DDRGK1: variants seen among roughly 807,000 people sequenced by gnomAD.
DDRGK1 encodes the protein DDRGK domain-containing protein 1.
Under a neutral mutation model 45.8 loss-of-function variants are expected in DDRGK1, and 38 were observed. The observed-to-expected ratio is 0.83, with a 90% CI of 0.64 to 1.09. The LOEUF (loss-of-function observed/expected upper bound fraction) is 1.09, where lower values mean the gene tolerates loss of function less well. Ranked by LOEUF, DDRGK1 falls within the 50% of genes least tolerant of loss-of-function variation. The pLI is 0.00. For synonymous variants in DDRGK1, 171 were observed against 168.7 expected (o/e 1.01, Z -0.11); for missense variants, 403 against 419.9 (o/e 0.96, Z 0.35).
chr20:3,192,758 T>C (rs1340743394), intron 6 of DDRGK1, among the ~76,000 whole-genome samples: 1 of 152,230 alleles, frequency 6.6e-6, no homozygotes, highest in Admixed American at 6.5e-5. Context: ...GAAAAGGCAG[T>C]TCTTTTGCAT....
In DDRGK1 at chr20:3,190,631, G is replaced by C. The variant is rs774355801; in HGVS notation, c.*22C>G. The C allele has an allele frequency of 1.2e-6, 2 of 1,612,640 alleles. No homozygotes were observed. Among genetic ancestry groups the C allele is most frequent in the South Asian group, 1.1e-5 (1 of 90,992 alleles). On this transcript the variant is annotated 3_prime_UTR_variant, in exon 9 of 9. Coordinates refer to ENST00000354488, the MANE Select transcript of DDRGK1 (RefSeq NM_023935.3). ...GCCAGGTAGGCCACACCAACTCTGA[G>C]TCCAAGAGGGAAGGACTGGGGTCAG...
intron 1 of DDRGK1, 48 bp from the exon 2 acceptor site, chr20:3,203,464 C>A: frequency 2.1e-6 from 3 of 1,459,296 alleles, no homozygotes; most frequent in Non-Finnish European, 2.7e-6. Flanking sequence ...CCCAGCCCGG[C>A]CCATGGCAGG....
intron 4 of DDRGK1, among the ~76,000 whole-genome samples, chr20:3,198,632 G>A (rs1364495494): frequency 2.1e-5 from 3 of 144,914 alleles, no homozygotes; most frequent in African/African-American, 5.2e-5. Flanking sequence ...CCCAGGAGGT[G>A]GAGGTTGTGG....
chr20:3,200,578 A>T, intron 2 of DDRGK1, 124 bp from the exon 3 acceptor site: 1 of 796,836 alleles, frequency 1.3e-6, no homozygotes, highest in Non-Finnish European at 2.0e-6. Context: ...AAATGTCACT[A>T]GCCCAGCTCT....
chr20:3,200,191 G>C, intron 3 of DDRGK1, 89 bp from the exon 4 acceptor site: 1 of 1,517,806 alleles, frequency 6.6e-7, no homozygotes, highest in Non-Finnish European at 8.9e-7. Flanking sequence ...CAATGCCTGG[G>C]CCAGGGCACA....
At chr20:3,203,063 G>A (rs1325636640) in intron 2 of DDRGK1, 150 bp downstream of exon 2, 4 of 698,918 alleles carry the variant, frequency 5.7e-6, no homozygotes, top group Admixed American at 3.6e-5. Context: ...CAAATGCCAG[G>A]TCCCAAGTCC....
At chr20:3,203,164 C>G in intron 2 of DDRGK1, 49 bp downstream of exon 2, 1 of 1,443,012 alleles carries the variant, frequency 6.9e-7, no homozygotes, top group Non-Finnish European at 9.2e-7. Context: ...GCCCTTTTAT[C>G]CCCCCCTCCA....
Position 3,195,534 on chromosome 20 carries a change from TTGTC to T in DDRGK1, c.511-185_511-182del, listed in dbSNP as rs558762369. Among the ~76,000 whole-genome samples the T allele has an allele frequency of 5.9e-4, 90 of 152,262 alleles. 2 individuals carry two copies. The South Asian group carries it at 0.015, about 26-fold the overall frequency. Reference sequence around the variant, plus strand: ...GCTGAACCATGGGCCGAGGCCCCTCTTGTCATCGGTTTCATCATCACCTGGACAA... The same window carrying T: ...GCTGAACCATGGGCCGAGGCCCCTCTATCGGTTTCATCATCACCTGGACAA... On this transcript the variant is annotated intron_variant, in intron 4 of 8. Coordinates refer to ENST00000354488, the MANE Select transcript of DDRGK1 (RefSeq NM_023935.3).
chr20:3,203,506 T>C, intron 1 of DDRGK1, 90 bp from the exon 2 acceptor site: 1 of 1,415,378 alleles, frequency 7.1e-7, no homozygotes, highest in African/African-American at 1.5e-5. Context: ...TCACCTCCTC[T>C]GCTTAGCGGC....
chr20:3,196,713 T>C (rs1197831572), intron 4 of DDRGK1, among the ~76,000 whole-genome samples: 1 of 151,806 alleles, frequency 6.6e-6, no homozygotes, highest in African/African-American at 2.4e-5. Context: ...AAGCTAAAGC[T>C]GAGGCAAGTA....
chr20:3,203,536 G>A, intron 1 of DDRGK1, 120 bp from the exon 2 acceptor site: 1 of 1,323,390 alleles, frequency 7.6e-7, no homozygotes, highest in Non-Finnish European at 9.9e-7. Context: ...ACAGCACAAG[G>A]CCCCGACTTC....
Position 3,194,811 on chromosome 20 carries a change from C to T in DDRGK1, c.672+19G>A, listed in dbSNP as rs149882739. On this transcript the variant is annotated intron_variant, in intron 6 of 8. Coordinates refer to ENST00000354488, the MANE Select transcript of DDRGK1 (RefSeq NM_023935.3). ...CAGGCAGGGAGCTGACACTCAGGCTCTGTTCAGTGGCTTCTTACCTTGATG... is the reference window on the plus strand; with the variant it reads ...CAGGCAGGGAGCTGACACTCAGGCTTTGTTCAGTGGCTTCTTACCTTGATG... 1.1e-5 allele frequency: 17 copies of T among 1,614,120 alleles called. No homozygotes were observed. Among genetic ancestry groups the T allele is most frequent in the Middle Eastern group, 3.3e-4 (2 of 6,038 alleles).
intron 4 of DDRGK1, 130 bp downstream of exon 4, chr20:3,199,871 T>C: frequency 1.2e-6 from 1 of 807,308 alleles, no homozygotes; most frequent in Non-Finnish European, 1.9e-6. Flanking sequence ...AGGGACCAAA[T>C]AAACCAGGAC....
At chr20:3,203,096 C>T in intron 2 of DDRGK1, 117 bp downstream of exon 2, 1 of 1,002,582 alleles carries the variant, frequency 1.0e-6, no homozygotes, top group Non-Finnish European at 1.4e-6. Context: ...CCGTGTGGCT[C>T]CCAGACGTCC....
intron 4 of DDRGK1, among the ~76,000 whole-genome samples, chr20:3,196,538 G>C (rs6051633): frequency 6.8e-6 from 1 of 147,770 alleles, no homozygotes; most frequent in Non-Finnish European, 1.5e-5. Flanking sequence ...AAAATTAGCC[G>C]GGCGTGGTGG....
chr20:3,203,455 C>G (rs1292883366), intron 1 of DDRGK1, 39 bp from the exon 2 acceptor site: 2 of 1,474,076 alleles, frequency 1.4e-6, no homozygotes, highest in African/African-American at 2.8e-5. Flanking sequence ...GCCTATAAGC[C>G]CAGCCCGGCC....
chr20:3,201,282 T>A (rs2067038197), intron 2 of DDRGK1, among the ~76,000 whole-genome samples: 1 of 94,570 alleles, frequency 1.1e-5, no homozygotes, highest in African/African-American at 5.2e-5. Context: ...AGCGAGACTC[T>A]GTCTCAAAAA....
chr20:3,194,557 C>T (rs1020299363), intron 6 of DDRGK1, among the ~76,000 whole-genome samples: 5 of 152,244 alleles, frequency 3.3e-5, no homozygotes, highest in Non-Finnish European at 7.3e-5. Flanking sequence ...ACTCACTGAG[C>T]GTGGGGTCTG....
intron 4 of DDRGK1, among the ~76,000 whole-genome samples, chr20:3,195,688 A>G (rs550262062): frequency 1.3e-5 from 2 of 152,042 alleles, no homozygotes; most frequent in South Asian, 4.2e-4. Context: ...CTCCTTGTGT[A>G]ACTCACCAAG....
Sources: allele counts gnomAD v4.1 joint callset (sites outside exome capture counted in the v4.1 genomes callset), GRCh38; gene constraint gnomAD v4.1.1; transcripts MANE v1.5; gene names NCBI Gene and HGNC (gene_info 2026-07-23, HGNC 2026-07-21).